The following DMBT1 variants were observed in gnomAD, a reference collection of about 807,000 sequenced individuals.
DMBT1 encodes deleted in malignant brain tumors 1.
A neutral mutation model predicts 252.9 loss-of-function variants in DMBT1; 198 were observed. The observed-to-expected ratio is 0.78, with a 90% CI of 0.70 to 0.88. The LOEUF is 0.88. DMBT1 is among the 40% of genes least tolerant of loss of function. DMBT1 has a pLI of 0.00. For synonymous variants in DMBT1, 990 were observed against 942.7 expected, an observed-to-expected ratio of 1.05 and a Z score of -0.92; for missense variants, 2,432 against 2,404.7, an observed-to-expected ratio of 1.01 and a Z score of -0.24.
chr10:122,566,712 G>A (rs1459559755), intron 2 of DMBT1, among the ~76,000 whole-genome samples: 2 of 152,262 alleles, frequency 1.3e-5, no homozygotes, highest in Admixed American at 1.3e-4. Flanking sequence ...TGTATGAAAT[G>A]AATTGATATA....
At chr10:122,585,870 G>GGA (rs2097785156) in intron 15 of DMBT1, among the ~76,000 whole-genome samples, 190 bp from the exon 16 acceptor site, 1 of 148,776 alleles carries the variant, frequency 6.7e-6, no homozygotes, top group Admixed American at 6.7e-5. Flanking sequence ...CCAAACTTGA[G>GGA]CCTTCATAAA....
rs749733422 is a variant in DMBT1 at position 122,631,917 on chromosome 10, G to A, written c.6367+42G>A. 5 of 1,606,294 alleles carry A rather than the reference G, an allele frequency of 3.1e-6. No individual in the cohort carries two copies. In the African/African-American group the frequency reaches 5.4e-5, roughly 17 times the overall value. On this transcript the variant is annotated intron_variant, in intron 50 of 55. Transcript: ENST00000338354. Reference sequence around the variant, plus strand: ...TCCATTCCACTTCCCTGGTCTCCAGGTCTCTCCATTACTGCTGCCTAGACT... The same window carrying A: ...TCCATTCCACTTCCCTGGTCTCCAGATCTCTCCATTACTGCTGCCTAGACT...
In DMBT1 at chr10:122,586,808, C is replaced by T. The variant is rs1002206366; in HGVS notation, c.1783+425C>T. ...TGCTGAGGACCTCAGGCTGCTTGTA[C>T]TCCTGGCAGAGGGGATGGGGAGCTG... On this transcript the variant is annotated intron_variant, in intron 16 of 55. Transcript: ENST00000338354. Among the ~76,000 whole-genome samples, 93 of 148,456 alleles carry T rather than the reference C, an allele frequency of 6.3e-4. 4 individuals carry two copies. The highest frequency in any genetic ancestry group is 2.1e-3 in the African/African-American group (88 of 41,174).
At chr10:122,570,776 G>T (rs1315263710) in intron 3 of DMBT1, 114 bp from the exon 4 acceptor site, 2 of 1,305,328 alleles carry the variant, frequency 1.5e-6, no homozygotes, top group Non-Finnish European at 2.2e-6. Context: ...AGCAATGGAG[G>T]TTGCCCTTAG....
intron 53 of DMBT1, among the ~76,000 whole-genome samples, chr10:122,636,835 G>C (rs1188992657): frequency 1.3e-5 from 2 of 152,240 alleles, no homozygotes; most frequent in East Asian, 1.9e-4. Context: ...TTACTTTATA[G>C]ATAAATGGTA....
At chr10:122,635,228 C>G (rs938848951) in intron 52 of DMBT1, among the ~76,000 whole-genome samples, 1 of 152,126 alleles carries the variant, frequency 6.6e-6, no homozygotes, top group African/African-American at 2.4e-5. Context: ...GATTACTTTG[C>G]CTTTGTAAAT....
At chr10:122,630,859 T>G in intron 48 of DMBT1, 102 bp from the exon 49 acceptor site, 1 of 1,305,338 alleles carries the variant, frequency 7.7e-7, no homozygotes. Flanking sequence ...TTGGCGACTT[T>G]AGAGGTGGGA....
chr10:122,564,443 A>G (rs4134192), intron 1 of DMBT1, among the ~76,000 whole-genome samples: 101,934 of 152,066 alleles, frequency 0.67, 34,535 homozygotes, highest in East Asian at 0.78. Flanking sequence ...ATCTCTAAAA[A>G]TAAAATAATA....
chr10:122,620,351 T>C, intron 43 of DMBT1, 60 bp downstream of exon 43: 1 of 1,583,374 alleles, frequency 6.3e-7, no homozygotes, highest in African/African-American at 1.4e-5. Context: ...AAACGTTTCT[T>C]TTGAAAATGA....
At chr10:122,589,376 T>A in intron 17 of DMBT1, 109 bp downstream of exon 17, 1 of 1,481,428 alleles carries the variant, frequency 6.8e-7, no homozygotes, top group Non-Finnish European at 9.1e-7. Context: ...TTTCCTATGT[T>A]TCTGATATCT....
chr10:122,578,781 C>A, intron 9 of DMBT1, 22 bp downstream of exon 9: 1 of 1,595,190 alleles, frequency 6.3e-7, no homozygotes, highest in Admixed American at 1.7e-5. Context: ...TCTCAACACT[C>A]CCTGGGGCTC....
chr10:122,643,402 G>T lies in DMBT1; in HGVS notation c.*4G>T, dbSNP rs769877489. On this transcript the variant is annotated 3_prime_UTR_variant, in exon 56 of 56. Coordinates refer to ENST00000338354, the MANE Select transcript of DMBT1 (RefSeq NM_001377530.1). ...CCGAGAAGAGGAGCCTCGGTAGGTG[G>T]TCGCTCTCAGACCCCACTGTCCACC... 9.9e-6 allele frequency: 16 copies of T among 1,608,896 alleles called. No homozygotes were observed. Among genetic ancestry groups the T allele is most frequent in the Non-Finnish European group, 1.4e-5 (16 of 1,177,456 alleles).
intron 1 of DMBT1, among the ~76,000 whole-genome samples, chr10:122,564,452 T>C (rs575697266): frequency 6.6e-6 from 1 of 152,250 alleles, no homozygotes; most frequent in African/African-American, 2.4e-5. Flanking sequence ...AATAAAATAA[T>C]AATCTGATAA....
In DMBT1 at chr10:122,579,599, T is replaced by C; in HGVS notation, c.701T>C (p.Leu234Pro). 6.2e-7 allele frequency: 1 copy of C among 1,613,412 alleles called. No individual in the cohort carries two copies. The highest frequency in any genetic ancestry group is 8.5e-7 in the Non-Finnish European group (1 of 1,179,734). Reference protein sequence around the residue: ...PTEGSESSLALRLVNGGDRCR... With the variant: ...PTEGSESSLAPRLVNGGDRCR... ...GTAGGATCTGAATCCAGTTTGGCCC[T>C]GAGGCTGGTGAATGGAGGCGACAGG... Residue 234 changes from leucine to proline, a missense_variant, in exon 10 of 56, where the codon CTG (leucine) becomes CCG (proline). Around this residue, in one of 3 missense-constraint regions of DMBT1, gnomAD observed 1,264 missense variants for 1,082.2 expected, o/e 1.17. Transcript: ENST00000338354.
intron 40 of DMBT1, 76 bp downstream of exon 40, chr10:122,617,336 G>A (rs1186337808): frequency 1.3e-6 from 2 of 1,522,918 alleles, no homozygotes; most frequent in African/African-American, 2.8e-5. Flanking sequence ...ATAGGATGAG[G>A]CTCAAGGTGG....
In DMBT1 at chr10:122,618,360, G is replaced by A. The variant is rs774153050; in HGVS notation, c.5215+20G>A. Reference sequence around the variant, plus strand: ...GCTCAGGTGGGCTTTCAAGACCTTGGGCTCCCTCTCTTAAGTTGAAGTTTG... The same window carrying A: ...GCTCAGGTGGGCTTTCAAGACCTTGAGCTCCCTCTCTTAAGTTGAAGTTTG... On this transcript the variant is annotated intron_variant, in intron 41 of 55. Transcript: ENST00000338354. The A allele has an allele frequency of 6.2e-7, 1 of 1,613,774 alleles. No homozygotes were observed. The highest frequency in any genetic ancestry group is 8.5e-7 in the Non-Finnish European group (1 of 1,179,750).
At chr10:122,620,140 C>A in intron 42 of DMBT1, 113 bp from the exon 43 acceptor site, 1 of 1,138,782 alleles carries the variant, frequency 8.8e-7, no homozygotes, top group Non-Finnish European at 1.3e-6. Context: ...GAGCAAGTGG[C>A]AGGAACCAGA....
chr10:122,621,281 C>A lies in DMBT1; in HGVS notation c.5509C>A (p.Arg1837Ser). Reference protein sequence around the residue: ...GSGPIVLDDVRCSGNESYLWS... With the variant: ...GSGPIVLDDVSCSGNESYLWS... ...AGGACCCATTGTCCTGGATGATGTGCGCTGCTCAGGGAATGAGTCCTACCT... is the reference window on the plus strand; with the variant it reads ...AGGACCCATTGTCCTGGATGATGTGAGCTGCTCAGGGAATGAGTCCTACCT... Residue 1837 changes from arginine (R) to serine (S), a missense_variant, in exon 44 of 56, where the codon CGC (arginine) becomes AGC (serine). This residue lies in a region of DMBT1 where 1,162 missense variants were observed against 1,169.0 expected (regional missense o/e 0.99). Transcript: ENST00000338354. The A allele has an allele frequency of 6.2e-7, 1 of 1,613,798 alleles. No homozygotes were observed. Among genetic ancestry groups the A allele is most frequent in the Non-Finnish European group, 8.5e-7 (1 of 1,179,746 alleles).
chr10:122,578,710 G>C lies in DMBT1; in HGVS notation c.638-8G>C. 6.2e-7 allele frequency: 1 copy of C among 1,606,206 alleles called. No homozygotes were observed. Among genetic ancestry groups the C allele is most frequent in the Non-Finnish European group, 8.5e-7 (1 of 1,175,660 alleles). ...AATTGTATCCTTTCTCTTTGTTGCTGTTTACAGAAAGTTGGCCTGTCAGGA... is the reference window on the plus strand; with the variant it reads ...AATTGTATCCTTTCTCTTTGTTGCTCTTTACAGAAAGTTGGCCTGTCAGGA... On this transcript the variant is annotated splice_polypyrimidine_tract_variant and splice_region_variant and intron_variant, in intron 8 of 55. Transcript: ENST00000338354.
Sources: allele counts gnomAD v4.1 joint callset (sites outside exome capture counted in the v4.1 genomes callset), GRCh38; gene constraint gnomAD v4.1.1; regional missense constraint gnomAD v4.1.1; transcripts MANE v1.5; gene names NCBI Gene and HGNC (gene_info 2026-07-23, HGNC 2026-07-21).